Variants in PAPPA2 observed in about 807,000 individuals in gnomAD.
The protein encoded by PAPPA2 is pappalysin 2.
A neutral mutation model predicts 176.4 loss-of-function variants in PAPPA2; 86 were observed. That is an observed-to-expected ratio of 0.49 (90% CI 0.41 to 0.58). PAPPA2 has a LOEUF of 0.58. Ranked by LOEUF, PAPPA2 falls within the 20% of genes least tolerant of loss-of-function variation. PAPPA2 has a pLI of 0.00. For synonymous variants in PAPPA2, 809 were observed against 852.2 expected (o/e 0.95, Z 0.88); for missense variants, 2,073 against 2,256.9 (o/e 0.92, Z 1.65).
intron 3 of PAPPA2, among the ~76,000 whole-genome samples, chr1:176,635,773 G>A (rs1056580342): frequency 2.0e-5 from 3 of 152,042 alleles, no homozygotes; most frequent in Non-Finnish European, 4.4e-5. Context: ...CTTTCCTTGT[G>A]GCTGTTTTAT....
At chr1:176,621,215 C>A (rs193022069) in intron 3 of PAPPA2, among the ~76,000 whole-genome samples, 1 of 152,290 alleles carries the variant, frequency 6.6e-6, no homozygotes, top group Admixed American at 6.5e-5. Context: ...AATCATTGAT[C>A]TGAAAGCTAC....
intron 14 of PAPPA2, among the ~76,000 whole-genome samples, chr1:176,751,316 G>T (rs1262459278): frequency 1.9e-4 from 29 of 151,308 alleles, no homozygotes; most frequent in African/African-American, 5.4e-4. Flanking sequence ...AAAAGCAATG[G>T]CAACAAAAGC....
At chr1:176,674,957 A>T (rs972765047) in intron 4 of PAPPA2, among the ~76,000 whole-genome samples, 27 of 151,936 alleles carry the variant, frequency 1.8e-4, no homozygotes, top group South Asian at 6.2e-4. Flanking sequence ...TTGATTTTTT[A>T]AAAAAATTAT....
chr1:176,473,012 G>A (rs1651952347), intron 1 of PAPPA2, among the ~76,000 whole-genome samples: 1 of 152,080 alleles, frequency 6.6e-6, no homozygotes, highest in African/African-American at 2.4e-5. Context: ...TACAATTGAT[G>A]AGCCTACAAT....
chr1:176,645,392 A>G (rs958818442), intron 3 of PAPPA2, among the ~76,000 whole-genome samples: 45 of 151,784 alleles, frequency 3.0e-4, no homozygotes, highest in African/African-American at 1.1e-3. Context: ...ATGACCTCCA[A>G]TTCCATCCAT....
chr1:176,526,222 G>T (rs1649493769), intron 1 of PAPPA2, among the ~76,000 whole-genome samples: 1 of 152,216 alleles, frequency 6.6e-6, no homozygotes, highest in Middle Eastern at 3.2e-3. Context: ...TTGCTGCTAT[G>T]TAAATGCTGG....
intron 3 of PAPPA2, among the ~76,000 whole-genome samples, chr1:176,638,051 T>G (rs1656826125): frequency 6.6e-6 from 1 of 152,092 alleles, no homozygotes; most frequent in South Asian, 2.1e-4. Context: ...TGCACTGTAC[T>G]AGAAAATAAT....
intron 12 of PAPPA2, among the ~76,000 whole-genome samples, chr1:176,736,482 A>G (rs916174662): frequency 4.6e-5 from 6 of 131,554 alleles, no homozygotes; most frequent in Middle Eastern, 3.9e-3. Context: ...TGTATATGTA[A>G]AAATATATAT....
chr1:176,530,040 G>A (rs1409163824), intron 1 of PAPPA2, among the ~76,000 whole-genome samples: 4 of 152,046 alleles, frequency 2.6e-5, no homozygotes, highest in Admixed American at 6.5e-5. Flanking sequence ...TCTCTCTTTC[G>A]TTTTTGCAAG....
At chr1:176,509,905 G>C (rs1648488260) in intron 1 of PAPPA2, among the ~76,000 whole-genome samples, 1 of 151,932 alleles carries the variant, frequency 6.6e-6, no homozygotes, top group African/African-American at 2.4e-5. Context: ...ATGGTGACGT[G>C]TGCCTGTAGT....
intron 1 of PAPPA2, among the ~76,000 whole-genome samples, chr1:176,555,020 AGAGG>A (rs1385114707): frequency 7.5e-6 from 1 of 133,202 alleles, no homozygotes; most frequent in East Asian, 2.6e-4. Flanking sequence ...AGAGAGAGAG[AGAGG>A]GAGAATACAC....
At chr1:176,584,065 GT>G (rs1396904785) in intron 2 of PAPPA2, among the ~76,000 whole-genome samples, 5 of 152,058 alleles carry the variant, frequency 3.3e-5, no homozygotes, top group African/African-American at 1.2e-4. Flanking sequence ...ATTGACACCT[GT>G]TTTGTGTCCT....
intron 12 of PAPPA2, among the ~76,000 whole-genome samples, chr1:176,719,656 T>G (rs968233110): frequency 7.2e-5 from 11 of 152,202 alleles, no homozygotes; most frequent in African/African-American, 2.7e-4. Flanking sequence ...TTTCTCTGGC[T>G]GTGTTCCCAG....
intron 19 of PAPPA2, 78 bp downstream of exon 19, chr1:176,791,560 A>G: frequency 6.6e-7 from 1 of 1,511,878 alleles, no homozygotes; most frequent in Non-Finnish European, 9.0e-7. Context: ...TTTTAATTTT[A>G]TTTATTTTTG....
intron 3 of PAPPA2, chr1:176,616,496 A>G (rs1288630731): frequency 4.4e-6 from 4 of 905,056 alleles, no homozygotes; most frequent in African/African-American, 3.3e-5. Flanking sequence ...CAGCAATATA[A>G]CAACCAGGTT....
chr1:176,715,136 T>C (rs1661310709), intron 12 of PAPPA2, among the ~76,000 whole-genome samples: 1 of 152,160 alleles, frequency 6.6e-6, no homozygotes, highest in Admixed American at 6.5e-5. Flanking sequence ...ACCTGGAAAG[T>C]TGGCTATCTT....
At chr1:176,839,927 G>A (rs1037197313) in intron 21 of PAPPA2, among the ~76,000 whole-genome samples, 15 of 152,126 alleles carry the variant, frequency 9.9e-5, no homozygotes, top group African/African-American at 3.1e-4. Flanking sequence ...TTTAAATGAC[G>A]TATCTCAGAC....
At chr1:176,503,168 C>T (rs1056896553) in intron 1 of PAPPA2, among the ~76,000 whole-genome samples, 5 of 152,142 alleles carry the variant, frequency 3.3e-5, no homozygotes, top group South Asian at 2.1e-4. Flanking sequence ...CATCCAGACA[C>T]TGTTGACATC....
intron 3 of PAPPA2, among the ~76,000 whole-genome samples, chr1:176,669,480 T>C (rs1658860310): frequency 6.6e-6 from 1 of 152,118 alleles, no homozygotes; most frequent in African/African-American, 2.4e-5. Flanking sequence ...ACTAATATCT[T>C]GGGAAAACCA....
Sources: gnomAD v4.1 joint callset for allele counts (sites outside exome capture counted in the v4.1 genomes callset) on GRCh38, gnomAD v4.1.1 for gene constraint, MANE v1.5 for transcripts, NCBI Gene and HGNC (gene_info 2026-07-23, HGNC 2026-07-21) for gene names.